Variants in ZDHHC18 observed in about 807,000 individuals in gnomAD.
ZDHHC18 encodes palmitoyltransferase ZDHHC18.
In ZDHHC18, 23 loss-of-function variants were observed where a neutral mutation model predicts 37.5. That is an observed-to-expected ratio of 0.61 (90% CI 0.44 to 0.87). The LOEUF (loss-of-function observed/expected upper bound fraction) is 0.87. Ranked by LOEUF, ZDHHC18 falls within the 40% of genes least tolerant of loss-of-function variation. The pLI is 0.00. For missense variants in ZDHHC18, 406 were observed against 525.6 expected (o/e 0.77, Z 2.22); for synonymous variants, 185 against 218.7 (o/e 0.85, Z 1.36).
chr1:26,848,007 G>C (rs1037602505), intron 2 of ZDHHC18, among the ~76,000 whole-genome samples: 1 of 152,134 alleles, frequency 6.6e-6, no homozygotes, highest in Admixed American at 6.5e-5. Context: ...GTCTAGGCTT[G>C]ATGAGATGCA....
At chr1:26,840,871 A>G (rs558294160) in intron 2 of ZDHHC18, among the ~76,000 whole-genome samples, 1 of 151,100 alleles carries the variant, frequency 6.6e-6, no homozygotes, top group East Asian at 2.0e-4. Flanking sequence ...CTTTCCCTTC[A>G]ACTGTAGTAG....
chr1:26,847,778 C>A (rs1360480899), intron 2 of ZDHHC18, among the ~76,000 whole-genome samples: 5 of 151,874 alleles, frequency 3.3e-5, no homozygotes, highest in African/African-American at 1.2e-4. Context: ...ACCCCCTGGG[C>A]TCAAGTGATC....
At chr1:26,837,084 T>C (rs1264695454) in intron 2 of ZDHHC18, among the ~76,000 whole-genome samples, 1 of 146,562 alleles carries the variant, frequency 6.8e-6, no homozygotes, top group East Asian at 2.0e-4. Context: ...CCATCTCTAC[T>C]AAAAAAAATA....
In ZDHHC18 at chr1:26,852,038, CCT is replaced by C. The variant is rs530612844; in HGVS notation, c.937-711_937-710del. Among the ~76,000 whole-genome samples, 12 of 152,344 alleles carry C rather than the reference CCT, an allele frequency of 7.9e-5. 1 individual carries two copies. The South Asian group carries it at 2.3e-3, about 29-fold the overall frequency. On this transcript the variant is annotated intron_variant, in intron 6 of 7. Coordinates refer to ENST00000374142, the MANE Select transcript of ZDHHC18 (RefSeq NM_032283.3). The stretch of plus-strand genomic sequence containing the variant: ...CAGAAAATACATTCCCAGACCTCAT[CCT>C]CTCATTCAGGGAAACAAAACTTCAC...
intron 1 of ZDHHC18, chr1:26,831,963 A>T (rs2081590257): frequency 6.5e-6 from 1 of 153,896 alleles, no homozygotes; most frequent in Non-Finnish European, 1.5e-5. Flanking sequence ...CCACTAGACC[A>T]TAAGCCACAA....
chr1:26,832,710 G>C (rs2081593805), intron 2 of ZDHHC18, 103 bp downstream of exon 2: 3 of 1,419,666 alleles, frequency 2.1e-6, no homozygotes, highest in Non-Finnish European at 2.8e-6. Context: ...TAGGAACTGG[G>C]GATGCAGTCG....
chr1:26,845,716 T>G (rs777359170), intron 2 of ZDHHC18, among the ~76,000 whole-genome samples: 29 of 152,150 alleles, frequency 1.9e-4, no homozygotes, highest in Non-Finnish European at 4.0e-4. Flanking sequence ...AATTTAATTT[T>G]GATATAATGC....
chr1:26,838,449 T>C (rs1242720332), intron 2 of ZDHHC18, among the ~76,000 whole-genome samples: 2 of 152,226 alleles, frequency 1.3e-5, no homozygotes, highest in Admixed American at 6.5e-5. Context: ...GGCCTGTTGC[T>C]TTCTTGAATG....
chr1:26,854,858 T>A lies in ZDHHC18; in HGVS notation c.*1015T>A, dbSNP rs1461691966. The A allele has an allele frequency of 6.6e-6, 1 of 152,414 alleles. No individual in the cohort carries two copies. Among genetic ancestry groups the A allele is most frequent in the African/African-American group, 2.4e-5 (1 of 41,434 alleles). 9.4% of individuals were successfully genotyped at this position (152,414 alleles called of 1,614,324 possible). A position where few individuals can be genotyped will look rare whatever the true frequency, so the allele number is the denominator to read the frequency against. On this transcript the variant is annotated 3_prime_UTR_variant, in exon 8 of 8. Transcript: ENST00000374142. The surrounding 1 kb of genome is among the most constrained non-coding windows in gnomAD (Gnocchi z 4.6). ...GTGAGAGTGTGTGTGCATGTGTGTG[T>A]GTGTTCATGTGTGCCCTGTATGAAT...
intron 2 of ZDHHC18, among the ~76,000 whole-genome samples, chr1:26,847,173 A>G (rs12404167): frequency 6.6e-6 from 1 of 151,902 alleles, no homozygotes; most frequent in Admixed American, 6.6e-5. Context: ...GGGGTTACAG[A>G]TGTGAGCCAC....
At chr1:26,827,292 C>T (rs2124242454) in intron 1 of ZDHHC18, among the ~76,000 whole-genome samples, 153 bp downstream of exon 1, 1 of 151,272 alleles carries the variant, frequency 6.6e-6, no homozygotes, top group Non-Finnish European at 1.5e-5. Flanking sequence ...TTGTCTGCCC[C>T]CCTGGCCCCT....
At chr1:26,846,989 G>A (rs1261045948) in intron 2 of ZDHHC18, among the ~76,000 whole-genome samples, 1 of 151,446 alleles carries the variant, frequency 6.6e-6, no homozygotes, top group Non-Finnish European at 1.5e-5. Context: ...TCCGCCTCCC[G>A]GGTTCAAGCG....
intron 1 of ZDHHC18, chr1:26,832,132 C>G (rs1017614694): frequency 7.3e-5 from 21 of 289,652 alleles, no homozygotes; most frequent in Non-Finnish European, 1.2e-4. Context: ...TGACAGTCCA[C>G]TAGTGTCTGC....
At chr1:26,830,563 A>T (rs1444086842) in intron 1 of ZDHHC18, among the ~76,000 whole-genome samples, 3 of 152,152 alleles carry the variant, frequency 2.0e-5, no homozygotes, top group African/African-American at 2.4e-5. Context: ...TGTACTTTGG[A>T]TGTTGCTAAC....
chr1:26,834,123 CT>C (rs2081600413), intron 2 of ZDHHC18, among the ~76,000 whole-genome samples: 2 of 152,204 alleles, frequency 1.3e-5, no homozygotes, highest in Admixed American at 1.3e-4. Context: ...TCTTCCTCCC[CT>C]TCTGGTCAGG....
chr1:26,830,215 C>T (rs367968459), intron 1 of ZDHHC18, among the ~76,000 whole-genome samples: 16 of 152,164 alleles, frequency 1.1e-4, no homozygotes, highest in African/African-American at 3.1e-4. Flanking sequence ...CCCAGGGCCC[C>T]GTCATCTCCT....
intron 1 of ZDHHC18, among the ~76,000 whole-genome samples, chr1:26,827,604 A>G (rs1253210776): frequency 6.6e-6 from 1 of 151,782 alleles, no homozygotes; most frequent in African/African-American, 2.4e-5. Flanking sequence ...GACCACTTCT[A>G]GATCTTGTGT....
intron 6 of ZDHHC18, 68 bp downstream of exon 6, chr1:26,851,299 C>G: frequency 3.4e-6 from 5 of 1,468,556 alleles, no homozygotes; most frequent in Non-Finnish European, 4.8e-6. Context: ...GCTGAGGGAG[C>G]CTGGGGCAGC....
rs767873402 is a variant in ZDHHC18 at position 26,850,282 on chromosome 1, GC to G, written c.647-15del. 1.2e-6 allele frequency: 2 copies of G among 1,613,146 alleles called. No individual in the cohort carries two copies. Among genetic ancestry groups the G allele is most frequent in the Admixed American group, 1.7e-5 (1 of 59,882 alleles). On this transcript the variant is annotated intron_variant, in intron 3 of 7. Coordinates refer to ENST00000374142, the MANE Select transcript of ZDHHC18 (RefSeq NM_032283.3). This position sits in a 1 kb window ranked among gnomAD's most constrained non-coding sequence, Gnocchi z 6.1. ...GCAGGCCAGCCCACACTAACCCATC[GC>G]CCCTTGCCCTTGTCCAGAACGATTT... is the stretch of plus-strand genomic sequence containing the variant.
Sources: allele counts gnomAD v4.1 joint callset (sites outside exome capture counted in the v4.1 genomes callset), GRCh38; gene constraint gnomAD v4.1.1; non-coding constraint Gnocchi (gnomAD v3.1); transcripts MANE v1.5; gene names NCBI Gene and HGNC (gene_info 2026-07-23, HGNC 2026-07-21).